GINM1: variants seen among roughly 807,000 people sequenced by gnomAD.
The protein encoded by GINM1 is glycoprotein integral membrane protein 1.
Under a neutral mutation model 37.8 loss-of-function variants are expected in GINM1, and 29 were observed. The observed-to-expected ratio is 0.77, with a 90% CI of 0.57 to 1.05. GINM1 has a LOEUF of 1.05. GINM1 is among the 50% of genes least tolerant of loss of function. The pLI, the probability that GINM1 is intolerant of heterozygous loss-of-function variation, is 0.00. For synonymous variants in GINM1, 143 were observed against 146.2 expected (o/e 0.98, Z 0.16); for missense variants, 377 against 397.9 (o/e 0.95, Z 0.45).
chr6:149,568,125 T>C (rs1039664473), intron 1 of GINM1, among the ~76,000 whole-genome samples: 4 of 152,238 alleles, frequency 2.6e-5, no homozygotes, highest in Non-Finnish European at 4.4e-5. Context: ...ATTCACATAT[T>C]ACGCTGGGTG....
intron 3 of GINM1, among the ~76,000 whole-genome samples, chr6:149,574,988 A>G (rs1271212788): frequency 6.6e-6 from 1 of 152,156 alleles, no homozygotes; most frequent in Non-Finnish European, 1.5e-5. Context: ...GGTTATTATT[A>G]TATATTTTAA....
At chr6:149,572,467 A>T in intron 2 of GINM1, 40 bp from the exon 3 acceptor site, 1 of 1,352,276 alleles carries the variant, frequency 7.4e-7, no homozygotes, top group Non-Finnish European at 1.0e-6. Context: ...GCTATTGTTT[A>T]TAAATATTGG....
At chr6:149,568,059 T>A (rs930065328) in intron 1 of GINM1, among the ~76,000 whole-genome samples, 31 of 152,246 alleles carry the variant, frequency 2.0e-4, no homozygotes, top group Admixed American at 8.5e-4. Context: ...ACTATTTCAG[T>A]TCTCCCTTCT....
chr6:149,590,846 T>C lies in GINM1; in HGVS notation c.*8T>C. On this transcript the variant is annotated 3_prime_UTR_variant, in exon 8 of 8. Coordinates refer to ENST00000367419, the MANE Select transcript of GINM1 (RefSeq NM_138785.5). ...GATAAAACATGTATTTAAAACGCCA[T>C]CTCATATCATGGACTCCGAAGTAGC... The C allele has an allele frequency of 7.5e-7, 1 of 1,332,556 alleles. No homozygotes were observed. The highest frequency in any genetic ancestry group is 1.1e-6 in the Non-Finnish European group (1 of 928,924). The allele number at this position is 1,332,556 out of a possible 1,614,324, so 82.5% of individuals were successfully genotyped here.
chr6:149,569,307 A>G (rs957001461), intron 1 of GINM1, among the ~76,000 whole-genome samples: 3 of 144,460 alleles, frequency 2.1e-5, no homozygotes, highest in African/African-American at 7.7e-5. Flanking sequence ...AAGTGCTGGG[A>G]TTACAGGTGT....
Position 149,566,824 on chromosome 6 carries a change from AGC to A in GINM1, c.120+296_120+297del, listed in dbSNP as rs1365609992. ...CGACCTGACGGGGCTTTGCCGTCGA[AGC>A]GCGCGGTTGCCGGTGATCAGGCCTT... On this transcript the variant is annotated intron_variant, in intron 1 of 7. Transcript: ENST00000367419. The surrounding 1 kb of genome is among the most constrained non-coding windows in gnomAD (Gnocchi z 4.4). 6.6e-6 allele frequency among the ~76,000 whole-genome samples: 1 copy of A among 152,228 alleles called. No individual in the cohort carries two copies. The highest frequency in any genetic ancestry group is 1.5e-5 in the Non-Finnish European group (1 of 68,038).
At chr6:149,583,633 A>G (rs940333814) in intron 7 of GINM1, among the ~76,000 whole-genome samples, 62 of 151,864 alleles carry the variant, frequency 4.1e-4, no homozygotes, top group African/African-American at 1.4e-3. Flanking sequence ...CTCTCGAAAA[A>G]AAAAAAAAAA....
At chr6:149,575,217 T>C (rs1777896103) in intron 3 of GINM1, among the ~76,000 whole-genome samples, 1 of 152,332 alleles carries the variant, frequency 6.6e-6, no homozygotes, top group Admixed American at 6.5e-5. Flanking sequence ...CTCACACACA[T>C]GCATTGTGCC....
intron 1 of GINM1, among the ~76,000 whole-genome samples, chr6:149,569,337 CTTT>C (rs372296900): frequency 2.4e-5 from 3 of 123,850 alleles, no homozygotes; most frequent in Non-Finnish European, 5.0e-5. Context: ...CGCCCGGTCA[CTTT>C]TTTTTTTTTT....
chr6:149,589,398 G>A (rs914461779), intron 7 of GINM1, among the ~76,000 whole-genome samples: 12 of 151,612 alleles, frequency 7.9e-5, no homozygotes, highest in Middle Eastern at 3.4e-3. Context: ...TCAGCCTCCC[G>A]AGTAGCTGGG....
At chr6:149,568,299 G>A (rs1252264480) in intron 1 of GINM1, among the ~76,000 whole-genome samples, 1 of 152,260 alleles carries the variant, frequency 6.6e-6, no homozygotes, top group African/African-American at 2.4e-5. Context: ...ACTAGAAAGA[G>A]AATCTCATTA....
intron 1 of GINM1, among the ~76,000 whole-genome samples, chr6:149,570,161 TATA>T (rs1777792732): frequency 1.4e-5 from 1 of 69,640 alleles, no homozygotes; most frequent in Non-Finnish European, 2.9e-5. Context: ...TATATATATA[TATA>T]TATATATATA....
chr6:149,574,294 C>T lies in GINM1; in HGVS notation c.277+1691C>T, dbSNP rs148609002. ...CTCGAACTCCTGACCTCAGGTGATC[C>T]GCCTGCCTCGGCCTCCCAAAGTGCT... On this transcript the variant is annotated intron_variant, in intron 3 of 7. Coordinates refer to ENST00000367419, the MANE Select transcript of GINM1 (RefSeq NM_138785.5). Among the ~76,000 whole-genome samples, 834 of 152,190 alleles carry T rather than the reference C, an allele frequency of 5.5e-3. 14 individuals are homozygous for T. The highest frequency in any genetic ancestry group is 0.019 in the African/African-American group (794 of 41,534).
At chr6:149,583,125 G>A (rs1181202541) in intron 7 of GINM1, among the ~76,000 whole-genome samples, 1 of 151,952 alleles carries the variant, frequency 6.6e-6, no homozygotes, top group South Asian at 2.1e-4. Flanking sequence ...TCAAGAGATC[G>A]AGACCATCCT....
intron 1 of GINM1, among the ~76,000 whole-genome samples, chr6:149,571,345 A>T (rs916628091): frequency 6.6e-6 from 1 of 151,264 alleles, no homozygotes; most frequent in Non-Finnish European, 1.5e-5. Flanking sequence ...TTGCAACTTT[A>T]TTTATAAAAG....
chr6:149,579,945 C>G lies in GINM1; in HGVS notation c.541C>G (p.Arg181Gly). The change falls in exon 5 of 8, where the codon CGA (arginine) becomes GGA (glycine). Residue 181 changes from arginine to glycine, a missense_variant. Coordinates refer to ENST00000367419, the MANE Select transcript of GINM1 (RefSeq NM_138785.5). ...AGAAAGCATGCTCTACTCTATTTCT[C>G]GAGACAGTGACATTTTATTTACCCT... is the stretch of plus-strand genomic sequence containing the variant. ...LEESMLYSIS[R>G]DSDILFTLPN... 1 of 1,609,970 alleles carries G rather than the reference C, an allele frequency of 6.2e-7. No individual in the cohort carries two copies. Among genetic ancestry groups the G allele is most frequent in the Non-Finnish European group, 8.5e-7 (1 of 1,177,226 alleles).
intron 2 of GINM1, 60 bp downstream of exon 2, chr6:149,572,404 AT>A: frequency 7.5e-7 from 1 of 1,338,320 alleles, no homozygotes; most frequent in Non-Finnish European, 1.0e-6. Flanking sequence ...AGCTTATTTG[AT>A]TTTTTAACTT....
Position 149,579,934 on chromosome 6 carries a change from A to G in GINM1, c.530A>G (p.Tyr177Cys). The part of the protein sequence containing the change: ...YTLPLEESML[Y>C]SISRDSDILF... ...CTCCCTTTGGAAGAAAGCATGCTCT[A>G]CTCTATTTCTCGAGACAGTGACATT... Residue 177 changes from tyrosine (Y) to cysteine (C), a missense_variant, in exon 5 of 8, where the codon TAC becomes TGC. By Grantham distance (194) the Tyr-to-Cys change is radical (BLOSUM62 -2). Transcript: ENST00000367419. 1 of 1,610,684 alleles carries G rather than the reference A, an allele frequency of 6.2e-7. No individual in the cohort carries two copies. The highest frequency in any genetic ancestry group is 8.5e-7 in the Non-Finnish European group (1 of 1,177,458).
chr6:149,585,749 C>T (rs1346156149), intron 7 of GINM1, among the ~76,000 whole-genome samples: 2 of 152,058 alleles, frequency 1.3e-5, no homozygotes, highest in East Asian at 1.9e-4. Flanking sequence ...CCCACCACCA[C>T]GCCCAGCTAA....
Sources: gnomAD v4.1 joint callset for allele counts (sites outside exome capture counted in the v4.1 genomes callset) on GRCh38, gnomAD v4.1.1 for gene constraint, Gnocchi (gnomAD v3.1) non-coding constraint, MANE v1.5 for transcripts, NCBI Gene and HGNC (gene_info 2026-07-23, HGNC 2026-07-21) for gene names.